The following LIAS variants were observed in gnomAD, a reference collection of about 807,000 sequenced individuals.
LIAS encodes the protein lipoic acid synthetase.
In LIAS, 36 loss-of-function variants were observed where a neutral mutation model predicts 49.4. The ratio of observed to expected loss-of-function variants is 0.73; its 90% CI spans 0.56 to 0.96. The LOEUF is 0.96. Ranked by LOEUF, LIAS falls within the 40% of genes least tolerant of loss-of-function variation. LIAS has a pLI of 0.00. For synonymous variants in LIAS, 145 were observed against 155.8 expected (o/e 0.93, Z 0.52); for missense variants, 399 against 456.3 (o/e 0.87, Z 1.14).
intron 1 of LIAS, among the ~76,000 whole-genome samples, chr4:39,460,035 C>T (rs1324525880): frequency 6.6e-6 from 1 of 152,136 alleles, no homozygotes; most frequent in Non-Finnish European, 1.5e-5. Context: ...ACTAATTGGG[C>T]ATTATTAACC....
intron 7 of LIAS, among the ~76,000 whole-genome samples, chr4:39,468,670 G>A (rs1444125207): frequency 6.7e-6 from 1 of 148,918 alleles, no homozygotes; most frequent in East Asian, 1.9e-4. Flanking sequence ...CCTGAGGTTG[G>A]GAGTTCAAGA....
In LIAS at chr4:39,465,107, C is replaced by T; in HGVS notation, c.455C>T (p.Pro152Leu). Residue 152 changes from proline (P) to leucine (L), a missense_variant, in exon 5 of 11, where the codon CCT becomes CTT. Pro to Leu is a moderately conservative substitution (Grantham distance 98). Transcript: ENST00000640888. The stretch of plus-strand genomic sequence containing the variant: ...TGTTCTGTTAAGACTGCAAGAAATC[C>T]TCCTCCACTGGATGCCAGTGAGCCC... The part of the protein sequence containing the change: ...RFCSVKTARN[P>L]PPLDASEPYN... 6.2e-7 allele frequency: 1 copy of T among 1,614,164 alleles called. No individual in the cohort carries two copies. The highest frequency in any genetic ancestry group is 8.5e-7 in the Non-Finnish European group (1 of 1,180,018).
chr4:39,465,086 C>T lies in LIAS; in HGVS notation c.434C>T (p.Ser145Phe). The part of the protein sequence containing the change: ...DTCTRGCRFC[S>F]VKTARNPPPL... ...TGTACAAGAGGTTGCAGATTTTGTT[C>T]TGTTAAGACTGCAAGAAATCCTCCT... The change falls in exon 5 of 11, where the codon TCT becomes TTT. Residue 145 changes from serine (S) to phenylalanine (F), a missense_variant. Ser to Phe is a radical substitution (Grantham distance 155). This residue lies in a region of LIAS where 234 missense variants were observed against 292.2 expected (regional missense o/e 0.80). Coordinates refer to ENST00000640888, the MANE Select transcript of LIAS (RefSeq NM_006859.4). 1 of 1,614,034 alleles carries T rather than the reference C, an allele frequency of 6.2e-7. No homozygotes were observed. The highest frequency in any genetic ancestry group is 1.1e-5 in the South Asian group (1 of 91,056).
At chr4:39,460,047 A>ACGT (rs1744383019) in intron 1 of LIAS, among the ~76,000 whole-genome samples, 1 of 152,200 alleles carries the variant, frequency 6.6e-6, no homozygotes. Flanking sequence ...TTATTAACCT[A>ACGT]CGTTTCAACA....
chr4:39,465,249 G>T, intron 5 of LIAS, 36 bp from the exon 6 acceptor site: 1 of 1,612,490 alleles, frequency 6.2e-7, no homozygotes, highest in Non-Finnish European at 8.5e-7. Flanking sequence ...TCTAAATGAT[G>T]ACATCATCCT....
At chr4:39,459,891 C>G (rs1395161350) in intron 1 of LIAS, among the ~76,000 whole-genome samples, 3 of 151,066 alleles carry the variant, frequency 2.0e-5, no homozygotes, top group African/African-American at 7.3e-5. Context: ...ACCCGCGAGG[C>G]GGAGGTTGCA....
intron 9 of LIAS, 31 bp downstream of exon 9, chr4:39,471,337 T>TA (rs768644107): frequency 6.4e-6 from 10 of 1,552,468 alleles, no homozygotes; most frequent in Non-Finnish European, 8.8e-6. Context: ...TTTTTTTTTT[T>TA]TTTTTTATTT....
Position 39,477,163 on chromosome 4 carries a change from C to G in LIAS, c.*48C>G. On this transcript the variant is annotated 3_prime_UTR_variant, in exon 11 of 11. Coordinates refer to ENST00000640888, the MANE Select transcript of LIAS (RefSeq NM_006859.4). ...TCACAGAAATTTTTAAAATTTGATT[C>G]CAGTTAATAACAGAGGTGGTGCCAG... 1.4e-6 allele frequency: 2 copies of G among 1,437,268 alleles called. No individual in the cohort carries two copies. Among genetic ancestry groups the G allele is most frequent in the Non-Finnish European group, 1.9e-6 (2 of 1,033,118 alleles). The allele number at this position is 1,437,268 out of a possible 1,614,324, so 89.0% of individuals were successfully genotyped here.
At position 39,459,171 on chromosome 4, in the gene LIAS, C is replaced by T; in HGVS notation, c.45+9C>T. ...GCACCCTGGGGCCCCGGGTGAGCGGCGGGGCGAACGGGTTTGGGCGTGGGG... is the reference window on the plus strand; with the variant it reads ...GCACCCTGGGGCCCCGGGTGAGCGGTGGGGCGAACGGGTTTGGGCGTGGGG... On this transcript the variant is annotated intron_variant, in intron 1 of 10. Coordinates refer to ENST00000640888, the MANE Select transcript of LIAS (RefSeq NM_006859.4). 1 of 1,611,520 alleles carries T rather than the reference C, an allele frequency of 6.2e-7. No homozygotes were observed. Among genetic ancestry groups the T allele is most frequent in the African/African-American group, 1.3e-5 (1 of 75,050 alleles).
At chr4:39,461,928 T>C (rs889349720) in intron 2 of LIAS, among the ~76,000 whole-genome samples, 1 of 152,006 alleles carries the variant, frequency 6.6e-6, no homozygotes, top group Non-Finnish European at 1.5e-5. Flanking sequence ...CTCCTGACCT[T>C]GTGATCCGCC....
chr4:39,477,220 TC>T lies in LIAS; in HGVS notation c.*106del, dbSNP rs1333217761. 2 of 818,730 alleles carry T rather than the reference TC, an allele frequency of 2.4e-6. No individual in the cohort carries two copies. The highest frequency in any genetic ancestry group is 5.5e-5 in the East Asian group (2 of 36,140). The allele number at this position is 818,730 out of a possible 1,614,324, so 50.7% of individuals were successfully genotyped here. ...TGGACTGCAGTGGATGTGCCCCACC[TC>T]TTTGCTTAAAAAAAAAAATGTCAAT... On this transcript the variant is annotated 3_prime_UTR_variant, in exon 11 of 11. Coordinates refer to ENST00000640888, the MANE Select transcript of LIAS (RefSeq NM_006859.4).
At chr4:39,460,679 A>G in intron 1 of LIAS, 111 bp from the exon 2 acceptor site, 2 of 794,936 alleles carry the variant, frequency 2.5e-6, no homozygotes, top group Non-Finnish European at 1.9e-6. Context: ...GTTTGACATA[A>G]TTTCTGAATC....
At position 39,477,631 on chromosome 4, in the gene LIAS, C is replaced by T. The variant is rs1745245477; in HGVS notation, c.*516C>T. 6.6e-6 allele frequency: 1 copy of T among 152,284 alleles called. No individual in the cohort carries two copies. Among genetic ancestry groups the T allele is most frequent in the South Asian group, 2.1e-4 (1 of 4,848 alleles). The allele number at this position is 152,284 out of a possible 1,614,324, so 9.4% of individuals were successfully genotyped here. A position where few individuals can be genotyped will look rare whatever the true frequency, so the allele number is the denominator to read the frequency against. ...CTTCTTTGTCCCAATTAAACAGTTG[C>T]TTGCTGTGATGTAATCTTAAAATAT... On this transcript the variant is annotated 3_prime_UTR_variant, in exon 11 of 11. Coordinates refer to ENST00000640888, the MANE Select transcript of LIAS (RefSeq NM_006859.4).
chr4:39,460,533 CAAA>C (rs3836577), intron 1 of LIAS, among the ~76,000 whole-genome samples: 3 of 98,212 alleles, frequency 3.1e-5, no homozygotes, highest in Admixed American at 2.4e-4. Context: ...GACTCCGTCT[CAAA>C]AAAAAAAAAA....
At chr4:39,470,837 C>T (rs1017902253) in intron 8 of LIAS, among the ~76,000 whole-genome samples, 1 of 152,212 alleles carries the variant, frequency 6.6e-6, no homozygotes, top group Non-Finnish European at 1.5e-5. Flanking sequence ...GCCCCCATAG[C>T]ATATCTTGTG....
chr4:39,459,142 G>A lies in LIAS; in HGVS notation c.25G>A (p.Ala9Thr). Residue 9 changes from alanine to threonine, a missense_variant, in exon 1 of 11, where the codon GCC (alanine) becomes ACC (threonine). Around this residue, in one of 3 missense-constraint regions of LIAS, gnomAD observed 159 missense variants for 147.6 expected, o/e 1.08. Coordinates refer to ENST00000640888, the MANE Select transcript of LIAS (RefSeq NM_006859.4). MSLRCGDA[A>T]RTLGPRVFGR... is the part of the protein sequence containing the mutation. Reference sequence around the variant, plus strand: ...AATGTCTCTACGCTGCGGGGATGCAGCCCGCACCCTGGGGCCCCGGGTGAG... The same window carrying A: ...AATGTCTCTACGCTGCGGGGATGCAACCCGCACCCTGGGGCCCCGGGTGAG... The A allele has an allele frequency of 1.2e-6, 2 of 1,613,758 alleles. No homozygotes were observed. Among genetic ancestry groups the A allele is most frequent in the Non-Finnish European group, 1.7e-6 (2 of 1,180,004 alleles).
In LIAS at chr4:39,459,070, G is replaced by A. The variant is rs909210627; in HGVS notation, c.-48G>A. 9.3e-6 allele frequency: 15 copies of A among 1,606,368 alleles called. No homozygotes were observed. The highest frequency in any genetic ancestry group is 3.3e-5 in the Admixed American group (2 of 59,996). Reference sequence around the variant, plus strand: ...GTAATTTCGACCTGTCCTTTCCCGGGAGTTAGCGATCCCTCAACCCCTGCA... The same window carrying A: ...GTAATTTCGACCTGTCCTTTCCCGGAAGTTAGCGATCCCTCAACCCCTGCA... On this transcript the variant is annotated 5_prime_UTR_variant, in exon 1 of 11. Coordinates refer to ENST00000640888, the MANE Select transcript of LIAS (RefSeq NM_006859.4).
At chr4:39,476,481 A>C (rs1434592939) in intron 10 of LIAS, 1 of 152,476 alleles carries the variant, frequency 6.6e-6, no homozygotes, top group African/African-American at 2.4e-5. Flanking sequence ...GCAATAGACT[A>C]AATGGAACAC....
chr4:39,463,359 C>T (rs1744617277), intron 3 of LIAS, among the ~76,000 whole-genome samples, 166 bp from the exon 4 acceptor site: 1 of 152,216 alleles, frequency 6.6e-6, no homozygotes. Flanking sequence ...GCTGGAATTA[C>T]AGGCATGAGC....
Sources: allele counts gnomAD v4.1 joint callset (sites outside exome capture counted in the v4.1 genomes callset), GRCh38; gene constraint gnomAD v4.1.1; regional missense constraint gnomAD v4.1.1; transcripts MANE v1.5; gene names NCBI Gene and HGNC (gene_info 2026-07-23, HGNC 2026-07-21).